The following GLRA3 variants were observed in gnomAD, a reference collection of about 807,000 sequenced individuals.
The protein encoded by GLRA3 is glycine receptor alpha 3.
A neutral mutation model predicts 60.4 loss-of-function variants in GLRA3; 44 were observed. The observed-to-expected ratio is 0.73, with a 90% CI of 0.57 to 0.94. The LOEUF (loss-of-function observed/expected upper bound fraction) is 0.94, where lower values mean the gene tolerates loss of function less well. Ranked by LOEUF, GLRA3 falls within the 40% of genes least tolerant of loss-of-function variation. GLRA3 has a pLI of 0.00. For missense variants in GLRA3, 508 were observed against 564.6 expected (o/e 0.90, Z 1.02); for synonymous variants, 223 against 192.9 (o/e 1.16, Z -1.29).
chr4:174,677,841 A>T (rs1289369808), intron 6 of GLRA3, among the ~76,000 whole-genome samples: 1 of 152,184 alleles, frequency 6.6e-6, no homozygotes, highest in East Asian at 1.9e-4. Context: ...AAAGTGCTTT[A>T]CACTTGTCAA....
At chr4:174,699,764 A>G (rs1308478502) in intron 5 of GLRA3, among the ~76,000 whole-genome samples, 3 of 106,638 alleles carry the variant, frequency 2.8e-5, no homozygotes, top group Admixed American at 1.1e-4. Flanking sequence ...TATTTTAGAG[A>G]ATTAATATTT....
intron 2 of GLRA3, among the ~76,000 whole-genome samples, chr4:174,785,793 A>G (rs554667738): frequency 6.6e-6 from 1 of 152,232 alleles, no homozygotes; most frequent in Admixed American, 6.5e-5. Context: ...TTTAAGAGAT[A>G]GAGTCTTACT....
At position 174,638,230 on chromosome 4, in the gene GLRA3, T is replaced by C. The variant is rs1732545089; in HGVS notation, c.*5556A>G. ...AATGTGGATAATGTAATGGTGAAGA[T>C]TCTGACATTGGGAGGAAAGCTGAAT... On this transcript the variant is annotated 3_prime_UTR_variant, in exon 10 of 10. Coordinates refer to ENST00000274093, the MANE Select transcript of GLRA3 (RefSeq NM_006529.4). 1 of 152,326 alleles carries C rather than the reference T, an allele frequency of 6.6e-6. No individual in the cohort carries two copies. Among genetic ancestry groups the C allele is most frequent in the Middle Eastern group, 3.4e-3 (1 of 294 alleles). The allele number at this position is 152,326 out of a possible 1,614,324, so 9.4% of individuals were successfully genotyped here.
rs114142719 is a variant in GLRA3 at position 174,744,699 on chromosome 4, C to T, written c.268-16001G>A. 2.6e-3 allele frequency among the ~76,000 whole-genome samples: 394 copies of T among 152,254 alleles called. 1 individual carries two copies. Among genetic ancestry groups the T allele is most frequent in the African/African-American group, 9.2e-3 (382 of 41,548 alleles). On this transcript the variant is annotated intron_variant, in intron 3 of 9. Coordinates refer to ENST00000274093, the MANE Select transcript of GLRA3 (RefSeq NM_006529.4). ...AAAGAATTGTAAGAAATGACTATTA[C>T]ACCAGTTACATATATATCAACATAA...
At chr4:174,739,209 A>G (rs958717084) in intron 3 of GLRA3, among the ~76,000 whole-genome samples, 7 of 152,214 alleles carry the variant, frequency 4.6e-5, no homozygotes, top group African/African-American at 1.7e-4. Flanking sequence ...AGGTAGCAAG[A>G]AGTAGGTTGC....
rs1423874714 is a variant in GLRA3 at position 174,641,488 on chromosome 4, T to C, written c.*2298A>G. 3 of 152,062 alleles carry C rather than the reference T, an allele frequency of 2.0e-5. No individual in the cohort carries two copies. Among genetic ancestry groups the C allele is most frequent in the Non-Finnish European group, 4.4e-5 (3 of 67,958 alleles). The allele number at this position is 152,062 out of a possible 1,614,324, so 9.4% of individuals were successfully genotyped here. On this transcript the variant is annotated 3_prime_UTR_variant, in exon 10 of 10. Transcript: ENST00000274093. ...GTGAGTGAAAGCTGTTAAAGTATTT[T>C]CTTAGTGCAGTAAGACAGTGACAAA...
intron 4 of GLRA3, among the ~76,000 whole-genome samples, chr4:174,719,794 A>G (rs1736068205): frequency 6.6e-6 from 1 of 152,196 alleles, no homozygotes; most frequent in African/African-American, 2.4e-5. Flanking sequence ...ACCGCTTAAG[A>G]AAAACATACA....
intron 9 of GLRA3, among the ~76,000 whole-genome samples, chr4:174,649,641 A>G (rs1013251627): frequency 6.6e-6 from 1 of 152,060 alleles, no homozygotes; most frequent in Non-Finnish European, 1.5e-5. Flanking sequence ...CGATAAAGCT[A>G]GATGGATCCT....
At chr4:174,739,189 C>T (rs1736913245) in intron 3 of GLRA3, among the ~76,000 whole-genome samples, 1 of 152,192 alleles carries the variant, frequency 6.6e-6, no homozygotes, top group Non-Finnish European at 1.5e-5. Context: ...GTTCCCTTGA[C>T]TCTGGGAGCA....
At chr4:174,740,106 C>T (rs73004589) in intron 3 of GLRA3, among the ~76,000 whole-genome samples, 186 of 152,246 alleles carry the variant, frequency 1.2e-3, no homozygotes, top group African/African-American at 4.1e-3. Flanking sequence ...CATTTGCACT[C>T]GCATCTAATT....
rs768281440 is a variant in GLRA3 at position 174,677,154 on chromosome 4, G to A, written c.851C>T (p.Ala284Val). 1.2e-6 allele frequency: 2 copies of A among 1,613,354 alleles called. No individual in the cohort carries two copies. The highest frequency in any genetic ancestry group is 1.7e-6 in the Non-Finnish European group (2 of 1,179,394). Residue 284 changes from alanine to valine, a missense_variant, in exon 7 of 10, where the codon GCC becomes GTC. Around this residue, in one of 3 missense-constraint regions of GLRA3, gnomAD observed 329 missense variants for 349.3 expected, o/e 0.94. Transcript: ENST00000274093. ...SFWINMDAAPARVALGITTVL... is the reference protein window; with the variant it reads ...SFWINMDAAPVRVALGITTVL... ...AGTGGTTATCCCCAGAGCTACCCTG[G>A]CCGGTGCTGCATCCATGTTGATCCA...
At chr4:174,687,302 A>G (rs1375990944) in intron 5 of GLRA3, among the ~76,000 whole-genome samples, 1 of 152,200 alleles carries the variant, frequency 6.6e-6, no homozygotes, top group Non-Finnish European at 1.5e-5. Flanking sequence ...TCTTTGATGA[A>G]GCATTAACAA....
intron 3 of GLRA3, among the ~76,000 whole-genome samples, chr4:174,756,538 A>C (rs1737704952): frequency 6.6e-6 from 1 of 152,182 alleles, no homozygotes; most frequent in African/African-American, 2.4e-5. Flanking sequence ...GCATTGAATA[A>C]AATTGAATTC....
chr4:174,687,203 T>C (rs1193178993), intron 5 of GLRA3, among the ~76,000 whole-genome samples: 2 of 152,238 alleles, frequency 1.3e-5, no homozygotes, highest in Non-Finnish European at 2.9e-5. Flanking sequence ...AACAATCCCA[T>C]TTTTATTTAT....
At chr4:174,779,044 G>GT (rs953208274) in intron 2 of GLRA3, among the ~76,000 whole-genome samples, 5 of 152,216 alleles carry the variant, frequency 3.3e-5, no homozygotes, top group African/African-American at 1.2e-4. Context: ...AAAGACAGCA[G>GT]TAACTTCTGC....
rs1208178621 is a variant in GLRA3 at position 174,643,658 on chromosome 4, T to C, written c.*128A>G. The C allele has an allele frequency of 2.1e-6, 3 of 1,407,066 alleles. No individual in the cohort carries two copies. The African/African-American group carries it at 4.3e-5, about 20-fold the overall frequency. 87.2% of individuals were successfully genotyped at this position (1,407,066 alleles called of 1,614,324 possible). ...TGCATAGCTAACCAAAATACAAAGC[T>C]TTTCCATATGCCATTTTAATACAAT... is the stretch of plus-strand genomic sequence containing the variant. On this transcript the variant is annotated 3_prime_UTR_variant, in exon 10 of 10. Coordinates refer to ENST00000274093, the MANE Select transcript of GLRA3 (RefSeq NM_006529.4).
Position 174,639,491 on chromosome 4 carries a change from G to C in GLRA3, c.*4295C>G, listed in dbSNP as rs761945415. The C allele has an allele frequency of 2.0e-5, 3 of 151,800 alleles. No homozygotes were observed. Among genetic ancestry groups the C allele is most frequent in the Admixed American group, 1.3e-4 (2 of 15,204 alleles). 9.4% of individuals were successfully genotyped at this position (151,800 alleles called of 1,614,324 possible). A position where few individuals can be genotyped will look rare whatever the true frequency, so the allele number is the denominator to read the frequency against. On this transcript the variant is annotated 3_prime_UTR_variant, in exon 10 of 10. Coordinates refer to ENST00000274093, the MANE Select transcript of GLRA3 (RefSeq NM_006529.4). Reference sequence around the variant, plus strand: ...ATGTAGACCAAAAAAACAGGTAAGTGGGTCCTAGCTACTAACTTGGGATTA... The same window carrying C: ...ATGTAGACCAAAAAAACAGGTAAGTCGGTCCTAGCTACTAACTTGGGATTA...
intron 4 of GLRA3, among the ~76,000 whole-genome samples, chr4:174,721,680 A>G (rs1037264796): frequency 8.2e-6 from 1 of 121,216 alleles, no homozygotes; most frequent in South Asian, 2.6e-4. Flanking sequence ...TCTTAGGCAA[A>G]TTAGTTTTCC....
At chr4:174,731,914 G>A (rs1030510193) in intron 3 of GLRA3, among the ~76,000 whole-genome samples, 1 of 152,124 alleles carries the variant, frequency 6.6e-6, no homozygotes, top group African/African-American at 2.4e-5. Flanking sequence ...AACCACATAA[G>A]TAAACAAAGA....
Sources: allele counts gnomAD v4.1 joint callset (sites outside exome capture counted in the v4.1 genomes callset), GRCh38; gene constraint gnomAD v4.1.1; regional missense constraint gnomAD v4.1.1; transcripts MANE v1.5; gene names NCBI Gene and HGNC (gene_info 2026-07-23, HGNC 2026-07-21).